Variants in ITGB3BP observed in about 807,000 individuals in gnomAD.
ITGB3BP encodes the protein centromere protein R.
Under a neutral mutation model 29.1 loss-of-function variants are expected in ITGB3BP, and 27 were observed. That is an observed-to-expected ratio of 0.93 (90% CI 0.68 to 1.28). The LOEUF (loss-of-function observed/expected upper bound fraction) is 1.28, where lower values mean the gene tolerates loss of function less well. Ranked by LOEUF, ITGB3BP falls within the 50% of genes most tolerant of loss-of-function variation. ITGB3BP has a pLI of 0.00. For missense variants in ITGB3BP, 192 were observed against 200.2 expected (o/e 0.96, Z 0.25); for synonymous variants, 61 against 61.4 (o/e 0.99, Z 0.03).
At chr1:63,471,334 C>T (rs1224592130) in intron 4 of ITGB3BP, among the ~76,000 whole-genome samples, 8 of 148,910 alleles carry the variant, frequency 5.4e-5, no homozygotes, top group South Asian at 2.1e-4. Context: ...GGCACGATCT[C>T]GGCTCACTGC....
chr1:63,499,128 G>A (rs1645860567), intron 2 of ITGB3BP, among the ~76,000 whole-genome samples: 1 of 149,814 alleles, frequency 6.7e-6, no homozygotes. Flanking sequence ...CCCAGGACCA[G>A]GTAGCTTCAC....
chr1:63,523,310 G>C (rs1646507491), upstream of ITGB3BP: 3 of 765,924 alleles, frequency 3.9e-6, no homozygotes, highest in Non-Finnish European at 6.7e-6. Context: ...GGGTGTGCGC[G>C]AGCAAAGGAG....
At chr1:63,506,117 TA>T (rs1042246763) in intron 2 of ITGB3BP, among the ~76,000 whole-genome samples, 27 of 152,326 alleles carry the variant, frequency 1.8e-4, no homozygotes, top group Non-Finnish European at 3.7e-4. Context: ...AGTGGGTTGT[TA>T]AAGTCTCCCA....
chr1:63,490,028 T>C (rs934134740), intron 3 of ITGB3BP, 55 bp downstream of exon 3: 52 of 1,480,186 alleles, frequency 3.5e-5, no homozygotes, highest in Non-Finnish European at 4.6e-5. Flanking sequence ...ACAATTTTGA[T>C]TTGGCCAATA....
chr1:63,525,658 T>A (rs138244713), upstream of ITGB3BP: 9 of 1,601,768 alleles, frequency 5.6e-6, no homozygotes, highest in African/African-American at 1.2e-4. Flanking sequence ...AAATTTCCAC[T>A]AACTGAAGAG....
chr1:63,502,620 C>T (rs1356338686), intron 2 of ITGB3BP, among the ~76,000 whole-genome samples: 22 of 149,414 alleles, frequency 1.5e-4, no homozygotes, highest in Non-Finnish European at 7.4e-5. Context: ...ACCATTAACT[C>T]GTCATTTAAC....
intron 2 of ITGB3BP, among the ~76,000 whole-genome samples, chr1:63,497,776 A>G (rs1645825373): frequency 6.6e-6 from 1 of 152,108 alleles, no homozygotes; most frequent in African/African-American, 2.4e-5. Flanking sequence ...TCTTTTCTTG[A>G]TCCCTTCCCC....
At chr1:63,499,800 A>G (rs1372346897) in intron 2 of ITGB3BP, among the ~76,000 whole-genome samples, 1 of 152,206 alleles carries the variant, frequency 6.6e-6, no homozygotes, top group African/African-American at 2.4e-5. Flanking sequence ...CTTTCATGAT[A>G]AAAACACTCA....
At chr1:63,442,698 G>C (rs1644745149) in intron 8 of ITGB3BP, 1 of 152,224 alleles carries the variant, frequency 6.6e-6, no homozygotes, top group Non-Finnish European at 1.5e-5. Context: ...TTGATACTTT[G>C]ATCCTCATTG....
Position 63,462,323 on chromosome 1 carries a change from C to G in ITGB3BP, c.255-7355G>C, listed in dbSNP as rs186973205. ...TGATTTTTGTGTGTTGATCTTATAC[C>G]CTGAAACTTTTTTTGACTCTGTTTA... is the stretch of plus-strand genomic sequence containing the variant. On this transcript the variant is annotated intron_variant, in intron 4 of 8. Transcript: ENST00000271002. 2.5e-3 allele frequency among the ~76,000 whole-genome samples: 373 copies of G among 152,188 alleles called. 1 individual carries two copies. Among genetic ancestry groups the G allele is most frequent in the Non-Finnish European group, 3.7e-3 (253 of 68,010 alleles).
In ITGB3BP at chr1:63,478,759, C is replaced by A. The variant is rs868374178; in HGVS notation, c.254+5G>T. On this transcript the variant is annotated splice_donor_5th_base_variant and intron_variant, in intron 4 of 8. Transcript: ENST00000271002. ...CATATATAATTTCAAAAATAACAAA[C>A]TTACTCATCATTGTCTTTTGTTGTA... is the stretch of plus-strand genomic sequence containing the variant. 2 of 1,376,412 alleles carry A rather than the reference C, an allele frequency of 1.5e-6. No homozygotes were observed. Among genetic ancestry groups the A allele is most frequent in the Non-Finnish European group, 1.0e-6 (1 of 1,003,854 alleles). 85.3% of individuals were successfully genotyped at this position (1,376,412 alleles called of 1,614,324 possible).
intron 7 of ITGB3BP, 142 bp downstream of exon 7, chr1:63,453,776 G>C (rs147376287): frequency 3.3e-5 from 19 of 583,648 alleles, no homozygotes; most frequent in Admixed American, 2.8e-4. Flanking sequence ...TGAGATTTGT[G>C]ATCTTCTAAA....
rs1358360114 is a variant in ITGB3BP, at chr1:63,479,249, G to A, written c.185-416C>T. On this transcript the variant is annotated intron_variant, in intron 3 of 8. Coordinates refer to ENST00000271002, the MANE Select transcript of ITGB3BP (RefSeq NM_014288.5). ...TTAACAACAAGGGATTGGTGATACCGATACTCAGAAAATAGTTAAGTTCCT... is the reference window on the plus strand; with the variant it reads ...TTAACAACAAGGGATTGGTGATACCAATACTCAGAAAATAGTTAAGTTCCT... 9.9e-5 allele frequency among the ~76,000 whole-genome samples: 15 copies of A among 152,058 alleles called. No homozygotes were observed. In the East Asian group the frequency reaches 2.1e-3, roughly 22 times the overall value.
At chr1:63,506,575 T>C (rs1001690117) in intron 2 of ITGB3BP, among the ~76,000 whole-genome samples, 1 of 152,068 alleles carries the variant, frequency 6.6e-6, no homozygotes, top group South Asian at 2.1e-4. Flanking sequence ...GGAAACCATA[T>C]CAAGAGCCAT....
chr1:63,450,839 A>T (rs1421773398), intron 7 of ITGB3BP, among the ~76,000 whole-genome samples: 4 of 151,936 alleles, frequency 2.6e-5, no homozygotes, highest in African/African-American at 4.8e-5. Context: ...ATATACTCTC[A>T]TCAAGGCATC....
rs766088464 is a variant in ITGB3BP, at chr1:63,523,128, C to T, written c.5+1G>A. The T allele has an allele frequency of 1.2e-4, 195 of 1,614,052 alleles. No individual in the cohort carries two copies. The highest frequency in any genetic ancestry group is 1.6e-4 in the Non-Finnish European group (192 of 1,180,008). ...GCAATACCTGGGGAGGAGATACCTACGGCATTCTGAGATTCGGGAAAGCAC... is the reference window on the plus strand; with the variant it reads ...GCAATACCTGGGGAGGAGATACCTATGGCATTCTGAGATTCGGGAAAGCAC... On this transcript the variant is annotated splice_donor_variant, in intron 1 of 8. Transcript: ENST00000271002. LOFTEE classifies it high-confidence loss of function.
chr1:63,441,170 G>T (rs1570102217), intron 8 of ITGB3BP, 67 bp from the exon 9 acceptor site: 1 of 152,200 alleles, frequency 6.6e-6, no homozygotes, highest in Non-Finnish European at 1.5e-5. Context: ...CATGACTTAA[G>T]AAGTGATTTT....
chr1:63,512,718 T>C (rs774542021), intron 1 of ITGB3BP, among the ~76,000 whole-genome samples: 1 of 152,114 alleles, frequency 6.6e-6, no homozygotes, highest in Non-Finnish European at 1.5e-5. Flanking sequence ...GAGTGGAAGA[T>C]AAAAATATCA....
chr1:63,501,772 C>T (rs1029893167), intron 2 of ITGB3BP, among the ~76,000 whole-genome samples: 17 of 151,262 alleles, frequency 1.1e-4, no homozygotes, highest in African/African-American at 3.4e-4. Flanking sequence ...TGAGGTAAGA[C>T]GATTGCTTGA....
Sources: gnomAD v4.1 joint callset for allele counts (sites outside exome capture counted in the v4.1 genomes callset) on GRCh38, gnomAD v4.1.1 for gene constraint, MANE v1.5 for transcripts, NCBI Gene and HGNC (gene_info 2026-07-23, HGNC 2026-07-21) for gene names.